Variants in SLC24A2 observed in about 807,000 individuals in gnomAD.
The protein encoded by SLC24A2 is solute carrier family 24 member 2.
In SLC24A2, 36 loss-of-function variants were observed where a neutral mutation model predicts 62.0. That is an observed-to-expected ratio of 0.58 (90% CI 0.44 to 0.77). The LOEUF (loss-of-function observed/expected upper bound fraction) is 0.77, where lower values mean the gene tolerates loss of function less well. SLC24A2 is among the 30% of genes least tolerant of loss of function. The pLI is 0.00. For synonymous variants in SLC24A2, 358 were observed against 294.0 expected (o/e 1.22, Z -2.23); for missense variants, 846 against 817.9 (o/e 1.03, Z -0.42).
chr9:19,709,718 A>C (rs1029903698), intron 2 of SLC24A2, among the ~76,000 whole-genome samples: 1 of 127,356 alleles, frequency 7.9e-6, no homozygotes, highest in Non-Finnish European at 1.6e-5. Context: ...ACATGGACAC[A>C]GGAAGGGGAA....
chr9:20,013,061 T>C, the SLC24A2 span, among the ~76,000 whole-genome samples: 1 of 152,046 alleles, frequency 6.6e-6, no homozygotes, highest in African/African-American at 2.4e-5. Context: ...CAATTCTAAA[T>C]CCATTTGAAA....
intron 8 of SLC24A2, among the ~76,000 whole-genome samples, chr9:19,545,062 C>T (rs184530476): frequency 4.5e-4 from 68 of 152,252 alleles, no homozygotes; most frequent in African/African-American, 1.6e-3. Context: ...TTCAGGTACA[C>T]CAATCAGAGG....
the SLC24A2 span, among the ~76,000 whole-genome samples, chr9:19,915,687 C>A: frequency 6.6e-6 from 1 of 151,988 alleles, no homozygotes; most frequent in Non-Finnish European, 1.5e-5. Context: ...TTTTCTAATT[C>A]CTAATGAGCA....
intron 9 of SLC24A2, among the ~76,000 whole-genome samples, chr9:19,525,927 G>A (rs1586891512): frequency 1.3e-5 from 2 of 152,110 alleles, no homozygotes; most frequent in African/African-American, 2.4e-5. Flanking sequence ...GAGTTGTGCA[G>A]CCTTCATAAT....
chr9:19,910,760 C>A, the SLC24A2 span, among the ~76,000 whole-genome samples: 1 of 152,070 alleles, frequency 6.6e-6, no homozygotes, highest in African/African-American at 2.4e-5. Context: ...ATATAGTACT[C>A]TGAAAAGCCT....
the SLC24A2 span, among the ~76,000 whole-genome samples, chr9:19,876,363 GGC>G: frequency 2.6e-5 from 3 of 114,576 alleles, no homozygotes; most frequent in Admixed American, 9.3e-5. Flanking sequence ...GTTTATTGAA[GGC>G]GTGTGTGTGT....
At chr9:20,106,118 G>C in the SLC24A2 span, among the ~76,000 whole-genome samples, 2 of 152,292 alleles carry the variant, frequency 1.3e-5, no homozygotes, top group East Asian at 3.9e-4. Context: ...TAAATTCCTT[G>C]ACACTTACAC....
the SLC24A2 span, among the ~76,000 whole-genome samples, chr9:20,178,434 A>G: frequency 6.6e-6 from 1 of 152,104 alleles, no homozygotes; most frequent in African/African-American, 2.4e-5. Flanking sequence ...GCTCCCCCAC[A>G]TGTCAACATA....
intron 2 of SLC24A2, among the ~76,000 whole-genome samples, chr9:19,652,165 C>A (rs1439863773): frequency 1.3e-5 from 2 of 152,162 alleles, no homozygotes; most frequent in Non-Finnish European, 2.9e-5. Context: ...GACTACTATA[C>A]TCTCATGTTT....
At chr9:19,853,519 G>A in the SLC24A2 span, among the ~76,000 whole-genome samples, 1 of 152,152 alleles carries the variant, frequency 6.6e-6, no homozygotes, top group Non-Finnish European at 1.5e-5. Flanking sequence ...TAACATGAAG[G>A]GATGTTGAAT....
At chr9:19,881,260 A>G in the SLC24A2 span, among the ~76,000 whole-genome samples, 1 of 152,182 alleles carries the variant, frequency 6.6e-6, no homozygotes, top group Admixed American at 6.6e-5. Flanking sequence ...AGGGGAAGAG[A>G]CTAGACGAGA....
At chr9:20,073,672 G>A in the SLC24A2 span, among the ~76,000 whole-genome samples, 84 of 151,798 alleles carry the variant, frequency 5.5e-4, no homozygotes, top group Non-Finnish European at 9.6e-4. Context: ...CACAGGACTC[G>A]TTAAAACTCA....
chr9:19,898,899 G>A, the SLC24A2 span, among the ~76,000 whole-genome samples: 11 of 152,222 alleles, frequency 7.2e-5, no homozygotes, highest in East Asian at 2.1e-3. Context: ...TTATTAGGTG[G>A]CTCAGAGGAG....
chr9:19,523,706 G>A (rs139587447), intron 9 of SLC24A2, among the ~76,000 whole-genome samples: 165 of 152,218 alleles, frequency 1.1e-3, no homozygotes, highest in Middle Eastern at 3.4e-3. Flanking sequence ...CAGGTAATCC[G>A]CCTGCCTTGG....
At chr9:19,987,212 C>T in the SLC24A2 span, among the ~76,000 whole-genome samples, 1 of 152,042 alleles carries the variant, frequency 6.6e-6, no homozygotes, top group South Asian at 2.1e-4. Flanking sequence ...GTTGGAGGTA[C>T]CTGTGGAGGT....
At chr9:19,949,048 C>A in the SLC24A2 span, among the ~76,000 whole-genome samples, 1 of 151,784 alleles carries the variant, frequency 6.6e-6, no homozygotes, top group East Asian at 2.0e-4. Flanking sequence ...GGCTGGAGTG[C>A]AGTGGTGCCA....
chr9:20,015,129 C>T, the SLC24A2 span, among the ~76,000 whole-genome samples: 1 of 152,198 alleles, frequency 6.6e-6, no homozygotes, highest in African/African-American at 2.4e-5. Context: ...GGGGAACCCT[C>T]AATCTCTAAA....
the SLC24A2 span, among the ~76,000 whole-genome samples, chr9:20,038,622 A>G: frequency 6.7e-6 from 1 of 150,086 alleles, no homozygotes; most frequent in African/African-American, 2.5e-5. Context: ...GAGTCAGTAA[A>G]AGAAACAAAC....
chr9:19,552,958 G>A (rs751181246), intron 7 of SLC24A2, among the ~76,000 whole-genome samples: 1 of 152,148 alleles, frequency 6.6e-6, no homozygotes, highest in Non-Finnish European at 1.5e-5. Context: ...CTGTTGCTAG[G>A]GCAGAAATGG....
Sources: gnomAD v4.1 joint callset for allele counts (sites outside exome capture counted in the v4.1 genomes callset) on GRCh38, gnomAD v4.1.1 for gene constraint, MANE v1.5 for transcripts, NCBI Gene and HGNC (gene_info 2026-07-23, HGNC 2026-07-21) for gene names.